The following STAU2 variants were observed in gnomAD, a reference collection of about 807,000 sequenced individuals.
STAU2 encodes the protein staufen double-stranded RNA binding protein 2.
Under a neutral mutation model 65.9 loss-of-function variants are expected in STAU2, and 20 were observed. The ratio of observed to expected loss-of-function variants is 0.30; its 90% CI spans 0.21 to 0.44. The LOEUF (loss-of-function observed/expected upper bound fraction) is 0.44. Ranked by LOEUF, STAU2 falls within the 20% of genes least tolerant of loss-of-function variation. The probability of loss-of-function intolerance (pLI) is 1.00; values close to 1 mark genes in which losing one functional copy is unlikely to be tolerated. For missense variants in STAU2, 558 were observed against 683.9 expected (o/e 0.82, Z 2.05); for synonymous variants, 232 against 233.9 (o/e 0.99, Z 0.07).
intron 12 of STAU2, among the ~76,000 whole-genome samples, chr8:73,557,263 C>T (rs1327730742): frequency 4.6e-5 from 7 of 152,290 alleles, no homozygotes; most frequent in African/African-American, 1.4e-4. Context: ...CTTTTCTTCA[C>T]AAATAAAGAT....
intron 13 of STAU2, among the ~76,000 whole-genome samples, chr8:73,462,677 G>A (rs773134659): frequency 1.3e-4 from 20 of 152,086 alleles, no homozygotes; most frequent in East Asian, 3.9e-4. Context: ...GATTACAGGC[G>A]CGAACCACCA....
intron 12 of STAU2, among the ~76,000 whole-genome samples, chr8:73,573,655 G>A (rs1234638960): frequency 2.0e-5 from 3 of 152,170 alleles, no homozygotes; most frequent in African/African-American, 7.2e-5. Flanking sequence ...ATGGGGAGAG[G>A]ATTCCCTATT....
chr8:73,721,262 C>T (rs574732916), intron 3 of STAU2, among the ~76,000 whole-genome samples: 48 of 103,130 alleles, frequency 4.7e-4, no homozygotes, highest in African/African-American at 1.6e-3. Context: ...TTCACTACAG[C>T]GTGAACAAAG....
intron 13 of STAU2, among the ~76,000 whole-genome samples, chr8:73,458,025 T>C (rs1041558606): frequency 6.6e-6 from 1 of 152,190 alleles, no homozygotes; most frequent in African/African-American, 2.4e-5. Context: ...TTTCAATATT[T>C]TAACAACCTA....
chr8:73,657,184 A>G (rs1816447212), intron 6 of STAU2, among the ~76,000 whole-genome samples: 1 of 152,228 alleles, frequency 6.6e-6, no homozygotes, highest in Non-Finnish European at 1.5e-5. Flanking sequence ...AAAAACATAT[A>G]AAAGACCAAA....
At chr8:73,519,771 G>A (rs945209419) in intron 13 of STAU2, among the ~76,000 whole-genome samples, 7 of 152,118 alleles carry the variant, frequency 4.6e-5, no homozygotes, top group Admixed American at 1.3e-4. Context: ...CAAGTGCCTC[G>A]TAAGTGCAAG....
Position 73,733,567 on chromosome 8 carries a change from C to T in STAU2, c.-18+4717G>A, listed in dbSNP as rs116985366. Reference sequence around the variant, plus strand: ...CCGTTGGTTATCTGTTGAATAATGACTGAAAAGTATAAAGTAATGATTATA... The same window carrying T: ...CCGTTGGTTATCTGTTGAATAATGATTGAAAAGTATAAAGTAATGATTATA... On this transcript the variant is annotated intron_variant, in intron 3 of 14. Transcript: ENST00000524300. 9.8e-3 allele frequency among the ~76,000 whole-genome samples: 1,491 copies of T among 152,066 alleles called. 8 individuals carry two copies. Among genetic ancestry groups the T allele is most frequent in the Non-Finnish European group, 0.015 (997 of 68,000 alleles).
intron 5 of STAU2, among the ~76,000 whole-genome samples, chr8:73,679,416 C>T (rs997199173): frequency 3.3e-5 from 5 of 152,130 alleles, no homozygotes; most frequent in South Asian, 2.1e-4. Flanking sequence ...AGCAGCTTGC[C>T]GCTGCAAACT....
intron 13 of STAU2, among the ~76,000 whole-genome samples, chr8:73,544,350 A>G (rs1025100576): frequency 1.3e-5 from 2 of 152,114 alleles, no homozygotes; most frequent in Admixed American, 6.5e-5. Context: ...TGTCTAGTTC[A>G]TCTTGTACAC....
At chr8:73,511,357 T>A (rs1822391312) in intron 13 of STAU2, 1 of 152,948 alleles carries the variant, frequency 6.5e-6, no homozygotes, top group African/African-American at 2.4e-5. Flanking sequence ...AACTTTCAGG[T>A]ATTTACTAGT....
chr8:73,706,505 C>G (rs1351175747), intron 4 of STAU2, among the ~76,000 whole-genome samples: 1 of 152,100 alleles, frequency 6.6e-6, no homozygotes, highest in East Asian at 1.9e-4. Context: ...TATGTCTCAC[C>G]TAAAGGCCAC....
At chr8:73,674,174 T>C (rs1181601056) in intron 5 of STAU2, among the ~76,000 whole-genome samples, 1 of 151,028 alleles carries the variant, frequency 6.6e-6, no homozygotes, top group Non-Finnish European at 1.5e-5. Context: ...TGTATGTCTC[T>C]GAATGTACAC....
intron 13 of STAU2, among the ~76,000 whole-genome samples, chr8:73,450,289 T>C (rs1818734366): frequency 6.6e-6 from 1 of 152,220 alleles, no homozygotes; most frequent in Non-Finnish European, 1.5e-5. Context: ...ATTGTGATAG[T>C]TGTATGTCGA....
chr8:73,576,163 C>G (rs1317843081), intron 12 of STAU2, among the ~76,000 whole-genome samples: 4 of 152,098 alleles, frequency 2.6e-5, no homozygotes, highest in Non-Finnish European at 5.9e-5. Flanking sequence ...AACTCTTATA[C>G]ATGTGCACCC....
intron 6 of STAU2, among the ~76,000 whole-genome samples, chr8:73,657,438 T>C (rs1371767681): frequency 2.0e-5 from 3 of 152,034 alleles, no homozygotes; most frequent in African/African-American, 7.2e-5. Flanking sequence ...AAATCAATAC[T>C]GAAAGAATAA....
intron 13 of STAU2, among the ~76,000 whole-genome samples, chr8:73,451,619 G>A (rs553935143): frequency 1.3e-5 from 2 of 151,774 alleles, no homozygotes; most frequent in Non-Finnish European, 2.9e-5. Flanking sequence ...GGAGAGAGCA[G>A]ACCAACTCAG....
intron 6 of STAU2, among the ~76,000 whole-genome samples, chr8:73,647,897 T>A (rs1910408): frequency 0.97 from 148,038 of 152,302 alleles, 71,968 homozygotes; most frequent in East Asian, 1. Flanking sequence ...CTGCATCTTG[T>A]TTGCTGCAGT....
chr8:73,616,482 G>A (rs897181674), intron 7 of STAU2, among the ~76,000 whole-genome samples: 2 of 152,112 alleles, frequency 1.3e-5, no homozygotes, highest in Non-Finnish European at 2.9e-5. Context: ...AACTGTAGAG[G>A]TTGAACTGTA....
At chr8:73,658,855 G>A (rs1401265274) in intron 6 of STAU2, among the ~76,000 whole-genome samples, 1 of 151,718 alleles carries the variant, frequency 6.6e-6, no homozygotes, top group Admixed American at 6.6e-5. Context: ...GGAGGTTGCA[G>A]TGAGCCAAGA....
Sources: allele counts gnomAD v4.1 joint callset (sites outside exome capture counted in the v4.1 genomes callset), GRCh38; gene constraint gnomAD v4.1.1; transcripts MANE v1.5; gene names NCBI Gene and HGNC (gene_info 2026-07-23, HGNC 2026-07-21).